Variants in GLI2 observed in about 807,000 individuals in gnomAD.
The protein encoded by GLI2 is GLI family zinc finger 2.
In GLI2, 22 loss-of-function variants were observed where a neutral mutation model predicts 78.9. The ratio of observed to expected loss-of-function variants is 0.28; its 90% CI spans 0.20 to 0.40. The LOEUF (loss-of-function observed/expected upper bound fraction) is 0.40. Ranked by LOEUF, GLI2 falls within the 10% of genes least tolerant of loss-of-function variation. The pLI is 1.00. For synonymous variants in GLI2, 974 were observed against 963.7 expected (o/e 1.01, Z -0.20); for missense variants, 2,097 against 2,213.2 (o/e 0.95, Z 1.05).
At chr2:120,877,768 T>G (rs976037745) in intron 2 of GLI2, among the ~76,000 whole-genome samples, 8 of 152,206 alleles carry the variant, frequency 5.3e-5, no homozygotes, top group Non-Finnish European at 1.0e-4. Flanking sequence ...ACCAACGTTT[T>G]CTGATGTTGA....
At chr2:120,848,243 G>A (rs1687218422) in intron 2 of GLI2, among the ~76,000 whole-genome samples, 1 of 152,194 alleles carries the variant, frequency 6.6e-6, no homozygotes, top group South Asian at 2.1e-4. Context: ...AAGGGGCGGC[G>A]GAGCAAGCAG....
At chr2:120,949,286 A>T (rs1680866607) in intron 3 of GLI2, among the ~76,000 whole-genome samples, 1 of 152,260 alleles carries the variant, frequency 6.6e-6, no homozygotes, top group African/African-American at 2.4e-5. Flanking sequence ...GCTGTGAGTG[A>T]GAACGTCTTG....
chr2:120,838,658 G>A (rs1453877270), intron 2 of GLI2, among the ~76,000 whole-genome samples: 1 of 152,180 alleles, frequency 6.6e-6, no homozygotes, highest in African/African-American at 2.4e-5. Context: ...TTACACTCAT[G>A]CACCCCATAA....
intron 2 of GLI2, among the ~76,000 whole-genome samples, chr2:120,911,171 C>G (rs970047104): frequency 6.6e-6 from 1 of 152,234 alleles, no homozygotes; most frequent in Non-Finnish European, 1.5e-5. Flanking sequence ...TACCCTACCC[C>G]ACCCATGTCT....
At chr2:120,863,811 C>T (rs1688006919) in intron 2 of GLI2, among the ~76,000 whole-genome samples, 1 of 152,194 alleles carries the variant, frequency 6.6e-6, no homozygotes, top group Non-Finnish European at 1.5e-5. Context: ...CACAGATAAG[C>T]TGAGTCACAG....
At chr2:120,932,541 A>G (rs868408152) in intron 3 of GLI2, among the ~76,000 whole-genome samples, 4 of 152,286 alleles carry the variant, frequency 2.6e-5, no homozygotes, top group Middle Eastern at 3.4e-3. Context: ...CTGCCAGGCT[A>G]CCCGCACTGG....
At chr2:120,854,392 C>A (rs551908276) in intron 2 of GLI2, among the ~76,000 whole-genome samples, 2 of 152,310 alleles carry the variant, frequency 1.3e-5, no homozygotes, top group African/African-American at 2.4e-5. Flanking sequence ...CATAGCCTTC[C>A]CTTTCCTGAG....
At chr2:120,965,543 A>G (rs60852978) in intron 5 of GLI2, among the ~76,000 whole-genome samples, 2 of 142,552 alleles carry the variant, frequency 1.4e-5, no homozygotes, top group Non-Finnish European at 3.1e-5. Context: ...AGAGGGGCAC[A>G]CTCCAGCCGG....
intron 2 of GLI2, among the ~76,000 whole-genome samples, chr2:120,895,413 C>T (rs1677895204): frequency 6.6e-6 from 1 of 152,164 alleles, no homozygotes; most frequent in Non-Finnish European, 1.5e-5. Context: ...AAAATACATA[C>T]TTCTCAGGGC....
At chr2:120,954,244 T>G (rs774280336) in intron 4 of GLI2, among the ~76,000 whole-genome samples, 1 of 152,082 alleles carries the variant, frequency 6.6e-6, no homozygotes, top group African/African-American at 2.4e-5. Context: ...GGCCAGACCA[T>G]GTGTGACTGG....
At chr2:120,856,307 G>A (rs936834641) in intron 2 of GLI2, among the ~76,000 whole-genome samples, 1 of 152,168 alleles carries the variant, frequency 6.6e-6, no homozygotes, top group Non-Finnish European at 1.5e-5. Context: ...CATTGGCAGC[G>A]CCTTCTGGGA....
chr2:120,736,506 G>A (rs1231991064), intron 1 of GLI2, among the ~76,000 whole-genome samples: 1 of 151,916 alleles, frequency 6.6e-6, no homozygotes, highest in Non-Finnish European at 1.5e-5. Context: ...GACGTAAGGA[G>A]AGTCCTGGGG....
At chr2:120,859,461 T>TC (rs1491029384) in intron 2 of GLI2, among the ~76,000 whole-genome samples, 36 of 84,084 alleles carry the variant, frequency 4.3e-4, no homozygotes, top group Non-Finnish European at 4.7e-4. Flanking sequence ...CCTTTTTTTT[T>TC]TTTTTTTTTT....
rs1419274436 is a variant in GLI2 at position 120,970,557 on chromosome 2, C to T, written c.1010C>T (p.Thr337Met). Reference sequence around the variant, plus strand: ...ATGGCCCTCACCTCCATCAATGCCACGCCCACCCAGCTCAGCAGCAGCAGC... The same window carrying T: ...ATGGCCCTCACCTCCATCAATGCCATGCCCACCCAGCTCAGCAGCAGCAGC... ...QPMALTSINA[T>M]PTQLSSSSNC... The change falls in exon 7 of 14, where the codon ACG (threonine) becomes ATG (methionine). Residue 337 changes from threonine to methionine, a missense_variant. Thr to Met is a moderately conservative substitution (Grantham distance 81). Around this residue, in one of 5 missense-constraint regions of GLI2, gnomAD observed 578 missense variants for 612.0 expected, o/e 0.94. Coordinates refer to ENST00000361492, the MANE Select transcript of GLI2 (RefSeq NM_001374353.1). The T allele has an allele frequency of 8.1e-6, 13 of 1,614,182 alleles. No individual in the cohort carries two copies. The South Asian group carries it at 8.8e-5, about 11-fold the overall frequency.
chr2:120,895,151 C>T (rs2104762299), intron 2 of GLI2, among the ~76,000 whole-genome samples: 1 of 152,358 alleles, frequency 6.6e-6, no homozygotes, highest in Non-Finnish European at 1.5e-5. Context: ...CCTGGCTTCC[C>T]TCTGTGTCAG....
chr2:120,871,877 A>G (rs1038723989), intron 2 of GLI2, among the ~76,000 whole-genome samples: 5 of 152,150 alleles, frequency 3.3e-5, no homozygotes, highest in African/African-American at 9.7e-5. Flanking sequence ...AGCCGGGCCC[A>G]TTTATTATGT....
intron 2 of GLI2, among the ~76,000 whole-genome samples, chr2:120,844,841 CAT>C (rs1342552378): frequency 6.6e-6 from 1 of 152,174 alleles, no homozygotes; most frequent in African/African-American, 2.4e-5. Context: ...TCTTGGCCCA[CAT>C]AGTGTCCTGA....
chr2:120,807,832 G>C (rs903093705), intron 2 of GLI2, among the ~76,000 whole-genome samples: 1 of 152,152 alleles, frequency 6.6e-6, no homozygotes, highest in African/African-American at 2.4e-5. Context: ...CTGTGTGCAC[G>C]GCTTGCTTGG....
At chr2:120,830,780 G>A (rs937204784) in intron 2 of GLI2, among the ~76,000 whole-genome samples, 1 of 152,072 alleles carries the variant, frequency 6.6e-6, no homozygotes, top group Non-Finnish European at 1.5e-5. Context: ...CTGTTTTCTG[G>A]GTGACTCTCT....
Sources: allele counts gnomAD v4.1 joint callset (sites outside exome capture counted in the v4.1 genomes callset), GRCh38; gene constraint gnomAD v4.1.1; regional missense constraint gnomAD v4.1.1; transcripts MANE v1.5; gene names NCBI Gene and HGNC (gene_info 2026-07-23, HGNC 2026-07-21).